SYNJ2: variants seen among roughly 807,000 people sequenced by gnomAD.
SYNJ2 encodes the protein polyphosphatidylinositol phosphatase SYNJ2.
In SYNJ2, 116 loss-of-function variants were observed where a neutral mutation model predicts 141.3. The ratio of observed to expected loss-of-function variants is 0.82; its 90% CI spans 0.71 to 0.96. SYNJ2 has a LOEUF of 0.96. Ranked by LOEUF, SYNJ2 falls within the 40% of genes least tolerant of loss-of-function variation. The probability of loss-of-function intolerance (pLI) is 0.00; values close to 1 mark genes in which losing one functional copy is unlikely to be tolerated. For synonymous variants in SYNJ2, 745 were observed against 777.7 expected, an observed-to-expected ratio of 0.96 and a Z score of 0.70; for missense variants, 1,873 against 1,934.8, an observed-to-expected ratio of 0.97 and a Z score of 0.60.
At position 158,055,007 on chromosome 6, in the gene SYNJ2, C is replaced by T. The variant is rs1192242585; in HGVS notation, c.836C>T (p.Ala279Val). 1.2e-6 allele frequency: 2 copies of T among 1,613,900 alleles called. No homozygotes were observed. The highest frequency in any genetic ancestry group is 1.3e-5 in the African/African-American group (1 of 74,942). The change falls in exon 6 of 27, where the codon GCC (alanine) becomes GTC (valine). Residue 279 changes from alanine to valine, a missense_variant. Ala to Val is a moderately conservative substitution (Grantham distance 64). Transcript: ENST00000355585. The stretch of plus-strand genomic sequence containing the variant: ...CTGAGACTCCACAGAGGCCTGGAAG[C>T]CAATGCCCCTGCTTTCGACAGGTAG... The part of the protein sequence containing the change: ...HHLRLHRGLE[A>V]NAPAFDRHMV...
intron 1 of SYNJ2, among the ~76,000 whole-genome samples, chr6:158,000,863 G>A (rs1022405796): frequency 6.6e-6 from 1 of 152,120 alleles, no homozygotes; most frequent in African/African-American, 2.4e-5. Flanking sequence ...CTGTCTCGTG[G>A]TGCTCCTTTG....
chr6:158,006,705 C>G (rs1313162770), intron 1 of SYNJ2, among the ~76,000 whole-genome samples: 1 of 152,210 alleles, frequency 6.6e-6, no homozygotes, highest in African/African-American at 2.4e-5. Context: ...CGGAGTCTCA[C>G]TCTGTCGCCC....
intron 1 of SYNJ2, among the ~76,000 whole-genome samples, chr6:158,007,696 G>A (rs144331033): frequency 3.7e-4 from 57 of 152,326 alleles, no homozygotes; most frequent in Admixed American, 1.6e-3. Context: ...AGGCTGGAGT[G>A]CAGTGGCGTG....
At chr6:158,086,106 T>A (rs1445289657) in intron 22 of SYNJ2, among the ~76,000 whole-genome samples, 1 of 152,114 alleles carries the variant, frequency 6.6e-6, no homozygotes, top group East Asian at 1.9e-4. Context: ...TGTTCAGCCA[T>A]TCCCATTTGT....
intron 4 of SYNJ2, among the ~76,000 whole-genome samples, chr6:158,039,955 C>A (rs538299014): frequency 2.6e-5 from 4 of 152,146 alleles, no homozygotes; most frequent in Admixed American, 6.5e-5. Flanking sequence ...GGCGGCTGTG[C>A]GGTCATCGTC....
chr6:158,088,740 G>A lies in SYNJ2; in HGVS notation c.3424G>A (p.Ala1142Thr), dbSNP rs1783245443. 2.5e-6 allele frequency: 4 copies of A among 1,613,988 alleles called. No homozygotes were observed. Among genetic ancestry groups the A allele is most frequent in the Non-Finnish European group, 2.5e-6 (3 of 1,179,948 alleles). Residue 1142 changes from alanine (A) to threonine (T), a missense_variant, in exon 24 of 27, where the codon GCA (alanine) becomes ACA (threonine). Physicochemically the swap from Ala to Thr is moderately conservative, Grantham distance 58 (BLOSUM62 0). Transcript: ENST00000355585. Reference sequence around the variant, plus strand: ...TGGACAGTATTCAATTTTGCAGACGGCAAGACTTCTACCAGGAGCACCTCA... The same window carrying A: ...TGGACAGTATTCAATTTTGCAGACGACAAGACTTCTACCAGGAGCACCTCA... ...THGQYSILQT[A>T]RLLPGAPQQP...
In SYNJ2 at chr6:158,071,811, G is replaced by C; in HGVS notation, c.2133+17G>C. On this transcript the variant is annotated intron_variant, in intron 15 of 26. Transcript: ENST00000355585. The surrounding 1 kb of genome is among the most constrained non-coding windows in gnomAD (Gnocchi z 4.3). ...TTCCCAATGGTGAGCGGCGCCGTGG[G>C]GACAGCCAGCACCTCCCTGCTCAGC... 6.2e-7 allele frequency: 1 copy of C among 1,609,824 alleles called. No individual in the cohort carries two copies.
At position 158,095,959 on chromosome 6, in the gene SYNJ2, T is replaced by C. The variant is rs1783776076; in HGVS notation, c.4086T>C (p.Asn1362=). Reference sequence around the variant, plus strand: ...AGCTTCTCCAGGGCCTCACTTACAATAGCAGTGACAGCCCCTCTGGGCACC... The same window carrying C: ...AGCTTCTCCAGGGCCTCACTTACAACAGCAGTGACAGCCCCTCTGGGCACC... ...NSQLLQGLTY[N]SSDSPSGHPP... is the part of the protein sequence containing the mutation. The change falls in exon 27 of 27, where the codon AAT becomes AAC. Residue 1362 remains asparagine (N), a synonymous_variant. Transcript: ENST00000355585. 6.2e-7 allele frequency: 1 copy of C among 1,614,016 alleles called. No homozygotes were observed. The highest frequency in any genetic ancestry group is 1.7e-5 in the Admixed American group (1 of 60,010).
chr6:158,086,811 G>C, intron 22 of SYNJ2, 44 bp from the exon 23 acceptor site: 1 of 1,600,956 alleles, frequency 6.2e-7, no homozygotes, highest in South Asian at 1.1e-5. Context: ...ACACGCTCAC[G>C]TGTGGAACAG....
chr6:157,988,872 CTG>C (rs948994364), intron 1 of SYNJ2, among the ~76,000 whole-genome samples: 2 of 152,118 alleles, frequency 1.3e-5, no homozygotes, highest in East Asian at 3.9e-4. Flanking sequence ...CAACCACACA[CTG>C]TGGACAGGAG....
intron 5 of SYNJ2, among the ~76,000 whole-genome samples, chr6:158,045,335 C>T (rs1780181029): frequency 6.6e-6 from 1 of 152,056 alleles, no homozygotes. Flanking sequence ...GTCTTGAACT[C>T]CTGACTTCAG....
chr6:158,045,395 C>G (rs986038173), intron 5 of SYNJ2, among the ~76,000 whole-genome samples: 6 of 152,160 alleles, frequency 3.9e-5, no homozygotes, highest in Non-Finnish European at 7.4e-5. Flanking sequence ...CAGGCGTGAG[C>G]CACCGCACCT....
chr6:158,049,910 A>C (rs1458674828), intron 5 of SYNJ2, among the ~76,000 whole-genome samples: 3 of 151,748 alleles, frequency 2.0e-5, no homozygotes, highest in Non-Finnish European at 2.9e-5. Flanking sequence ...GCAGGTATGC[A>C]TGTGGCTCTG....
At position 158,069,605 on chromosome 6, in the gene SYNJ2, G is replaced by T; in HGVS notation, c.1872G>T (p.Leu624Phe). The T allele has an allele frequency of 6.2e-7, 1 of 1,614,010 alleles. No homozygotes were observed. Among genetic ancestry groups the T allele is most frequent in the Non-Finnish European group, 8.5e-7 (1 of 1,179,916 alleles). The change falls in exon 14 of 27, where the codon TTG (leucine) becomes TTT (phenylalanine). Residue 624 changes from leucine (L) to phenylalanine (F), a missense_variant. Coordinates refer to ENST00000355585, the MANE Select transcript of SYNJ2 (RefSeq NM_003898.4). ...CACGCTCTCATAGATACATTCTGTT[G>T]ACTTCGGCACAGCTGGTGGGCGTCT... ...AISRSHRYIL[L>F]TSAQLVGVCL...
intron 25 of SYNJ2, among the ~76,000 whole-genome samples, chr6:158,092,375 T>C (rs1475262992): frequency 6.6e-6 from 1 of 152,216 alleles, no homozygotes; most frequent in Non-Finnish European, 1.5e-5. Context: ...GTGCGGTGGC[T>C]CACGCCTGTA....
chr6:158,081,238 G>A lies in SYNJ2; in HGVS notation c.2697G>A (p.Pro899=), dbSNP rs149130768. Residue 899 remains proline (P), a synonymous_variant, in exon 19 of 27, where the codon CCG becomes CCA. Transcript: ENST00000355585. ...DATVVVNLQS[P]TLEEKNEFPE... ...CTGTTGTAGTAAACCTTCAATCACC[G>A]ACCTTAGAAGAGAAAAACGAGTTTC... The A allele has an allele frequency of 2.9e-4, 473 of 1,614,110 alleles. 1 individual carries two copies. The African/African-American group carries it at 4.0e-3, about 14-fold the overall frequency.
At chr6:158,020,871 C>G (rs1226358500) in intron 2 of SYNJ2, among the ~76,000 whole-genome samples, 1 of 152,186 alleles carries the variant, frequency 6.6e-6, no homozygotes, top group Non-Finnish European at 1.5e-5. Flanking sequence ...TTCAATCTAC[C>G]TAAATTAGCC....
chr6:158,013,233 T>C (rs1331224839), intron 1 of SYNJ2, among the ~76,000 whole-genome samples: 2 of 152,036 alleles, frequency 1.3e-5, no homozygotes, highest in Non-Finnish European at 2.9e-5. Flanking sequence ...CTACAAAAAA[T>C]AGCTGGGTAT....
chr6:158,095,920 G>A lies in SYNJ2; in HGVS notation c.4047G>A (p.Leu1349=), dbSNP rs1783773432. The A allele has an allele frequency of 3.1e-6, 5 of 1,614,106 alleles. No individual in the cohort carries two copies. Among genetic ancestry groups the A allele is most frequent in the Non-Finnish European group, 3.4e-6 (4 of 1,180,004 alleles). The change falls in exon 27 of 27, where the codon CTG becomes CTA. Residue 1349 remains leucine (L), a synonymous_variant. Transcript: ENST00000355585. ...CCGCAGCCTTCCACCTGCAGGTCCT[G>A]CAGAGCAACAGCCAGCTTCTCCAGG... ...SAPAAFHLQV[L]QSNSQLLQGL... is the part of the protein sequence containing the mutation.
Sources: allele counts gnomAD v4.1 joint callset (sites outside exome capture counted in the v4.1 genomes callset), GRCh38; gene constraint gnomAD v4.1.1; non-coding constraint Gnocchi (gnomAD v3.1); transcripts MANE v1.5; gene names NCBI Gene and HGNC (gene_info 2026-07-23, HGNC 2026-07-21).